The following CFAP210 variants were observed in gnomAD, a reference collection of about 807,000 sequenced individuals.
CFAP210 encodes cilia and flagella associated protein 210, also known as cilia- and flagella- associated protein 210.
the CFAP210 span, among the ~76,000 whole-genome samples, chr2:169,655,810 A>C: frequency 6.6e-6 from 1 of 152,202 alleles, no homozygotes; most frequent in Non-Finnish European, 1.5e-5. Context: ...TTTCAAGTAA[A>C]AGTCTTAGGA....
chr2:169,692,444 GCA>G, the CFAP210 span, among the ~76,000 whole-genome samples: 4,231 of 143,596 alleles, frequency 0.029, 115 homozygotes, highest in African/African-American at 0.077. Context: ...ACAGGCGCAC[GCA>G]CACACACACA....
At chr2:169,687,575 G>T in the CFAP210 span, among the ~76,000 whole-genome samples, 1 of 152,168 alleles carries the variant, frequency 6.6e-6, no homozygotes, top group Non-Finnish European at 1.5e-5. Context: ...TTCAGGTCAT[G>T]CTGATGCAAA....
chr2:169,666,706 T>C, the CFAP210 span, among the ~76,000 whole-genome samples: 2 of 152,116 alleles, frequency 1.3e-5, no homozygotes, highest in East Asian at 3.9e-4. Context: ...TTCTCTGTAG[T>C]ACGTAATGCT....
At chr2:169,683,376 T>G in the CFAP210 span, among the ~76,000 whole-genome samples, 1 of 152,256 alleles carries the variant, frequency 6.6e-6, no homozygotes, top group East Asian at 1.9e-4. Flanking sequence ...ACTGTTCTAC[T>G]TAAGAGTCAT....
At chr2:169,679,898 C>T in the CFAP210 span, among the ~76,000 whole-genome samples, 1 of 151,930 alleles carries the variant, frequency 6.6e-6, no homozygotes. Context: ...ATGATATATA[C>T]AAGAAAAATT....
At chr2:169,652,772 G>A in the CFAP210 span, among the ~76,000 whole-genome samples, 7 of 150,850 alleles carry the variant, frequency 4.6e-5, no homozygotes, top group Admixed American at 1.3e-4. Flanking sequence ...GAGGCGGGCG[G>A]ATCACGAGGT....
At chr2:169,666,009 C>T in the CFAP210 span, among the ~76,000 whole-genome samples, 260 of 152,200 alleles carry the variant, frequency 1.7e-3, no homozygotes, top group African/African-American at 5.9e-3. Flanking sequence ...GGATGATAGG[C>T]ATGAGCCACC....
At chr2:169,655,407 TTAAC>T in the CFAP210 span, among the ~76,000 whole-genome samples, 1 of 152,240 alleles carries the variant, frequency 6.6e-6, no homozygotes, top group East Asian at 1.9e-4. Context: ...CCCAGCACTC[TTAAC>T]TAATCTCCTA....
the CFAP210 span, among the ~76,000 whole-genome samples, chr2:169,669,519 C>T: frequency 2.0e-5 from 3 of 151,822 alleles, no homozygotes; most frequent in Non-Finnish European, 2.9e-5. Flanking sequence ...TACAACAACC[C>T]ATGTGAATAC....
At chr2:169,663,548 G>A in the CFAP210 span, among the ~76,000 whole-genome samples, 1,416 of 151,950 alleles carry the variant, frequency 9.3e-3, 29 homozygotes, top group African/African-American at 0.033. Context: ...TTTTACTGGA[G>A]TCCCCTCACT....
the CFAP210 span, among the ~76,000 whole-genome samples, chr2:169,679,680 C>CTA: frequency 1.7e-5 from 1 of 57,494 alleles, no homozygotes; most frequent in Non-Finnish European, 3.1e-5. Context: ...GACTCCATCT[C>CTA]AAAAAAAAAA....
chr2:169,662,289 T>TC, the CFAP210 span: 1 of 1,595,020 alleles, frequency 6.3e-7, no homozygotes, highest in Non-Finnish European at 8.5e-7. Flanking sequence ...CAAGAAACCG[T>TC]CTCCTGCTTT....
chr2:169,688,318 T>C, the CFAP210 span, among the ~76,000 whole-genome samples: 2 of 152,252 alleles, frequency 1.3e-5, no homozygotes, highest in African/African-American at 4.8e-5. Context: ...TTCTATTGCA[T>C]AGTCAGGCTA....
At chr2:169,660,425 TTTTTTGTTTTG>T in the CFAP210 span, among the ~76,000 whole-genome samples, 2 of 151,678 alleles carry the variant, frequency 1.3e-5, no homozygotes, top group Non-Finnish European at 2.9e-5. Flanking sequence ...TTCACTGTTT[TTTTTTGTTTTG>T]TTTTGTTTCT....
At chr2:169,691,361 A>G in the CFAP210 span, among the ~76,000 whole-genome samples, 3 of 152,194 alleles carry the variant, frequency 2.0e-5, no homozygotes, top group African/African-American at 7.2e-5. Flanking sequence ...TTAGTTCTTT[A>G]AATATATTTA....
the CFAP210 span, among the ~76,000 whole-genome samples, chr2:169,680,128 T>C: frequency 3.1e-4 from 47 of 152,300 alleles, no homozygotes; most frequent in East Asian, 7.5e-3. Flanking sequence ...AAAGAAGATA[T>C]ACTGATAGAA....
At chr2:169,650,633 G>A in the CFAP210 span, 180 of 1,279,572 alleles carry the variant, frequency 1.4e-4, 1 homozygote, top group Middle Eastern at 3.4e-3. Context: ...AAAACTAACA[G>A]GAGCCCCATT....
the CFAP210 span, chr2:169,674,797 A>C: frequency 6.6e-7 from 1 of 1,520,516 alleles, no homozygotes; most frequent in East Asian, 2.4e-5. Context: ...TAGTACTTTA[A>C]GGAAATGATG....
chr2:169,662,478 A>G, the CFAP210 span: 3 of 1,492,990 alleles, frequency 2.0e-6, no homozygotes, highest in Non-Finnish European at 2.7e-6. Context: ...AAAGCAGAAA[A>G]ATAGGTTATA....
Sources: gnomAD v4.1 joint callset for allele counts (sites outside exome capture counted in the v4.1 genomes callset) on GRCh38, gnomAD v4.1.1 for gene constraint, MANE v1.5 for transcripts, NCBI Gene and HGNC (gene_info 2026-07-23, HGNC 2026-07-21) for gene names.